RAB11FIP5: variants seen among roughly 807,000 people sequenced by gnomAD.
RAB11FIP5 encodes the protein rab11 family-interacting protein 5.
A neutral mutation model predicts 85.1 loss-of-function variants in RAB11FIP5; 48 were observed. The ratio of observed to expected loss-of-function variants is 0.56; its 90% confidence interval spans 0.45 to 0.72. The LOEUF is 0.72. RAB11FIP5 is among the 30% of genes least tolerant of loss of function. The probability of loss-of-function intolerance (pLI) is 0.00; values close to 1 mark genes in which losing one functional copy is unlikely to be tolerated. For synonymous variants in RAB11FIP5, 729 were observed against 727.3 expected (o/e 1.00, Z -0.04); for missense variants, 1,491 against 1,687.0 (o/e 0.88, Z 2.04).
chr2:73,075,871 C>T lies in RAB11FIP5; in HGVS notation c.3771+122G>A. 2 of 1,453,216 alleles carry T rather than the reference C, an allele frequency of 1.4e-6. No homozygotes were observed. The highest frequency in any genetic ancestry group is 2.0e-5 in the Admixed American group (1 of 50,156). 90.0% of individuals were successfully genotyped at this position (1,453,216 alleles called of 1,614,324 possible). A position where few individuals can be genotyped will look rare whatever the true frequency, so the allele number is the denominator to read the frequency against. ...GCCTGTCTCCAAAGTCAGAGCCTAA[C>T]TGGCTTCAGGACTCTGATATGGGGG... On this transcript the variant is annotated intron_variant, in intron 5 of 5. Coordinates refer to ENST00000486777, the MANE Select transcript of RAB11FIP5 (RefSeq NM_001371272.1). This position sits in a 1 kb window ranked among gnomAD's most constrained non-coding sequence, Gnocchi z 4.6.
intron 1 of RAB11FIP5, among the ~76,000 whole-genome samples, chr2:73,103,924 C>A (rs757419291): frequency 2.0e-5 from 3 of 152,130 alleles, no homozygotes; most frequent in Non-Finnish European, 4.4e-5. Context: ...ACCCCATATT[C>A]ACCCTGACCA....
intron 1 of RAB11FIP5, among the ~76,000 whole-genome samples, chr2:73,098,969 C>T (rs1248808699): frequency 6.6e-6 from 1 of 151,936 alleles, no homozygotes; most frequent in East Asian, 1.9e-4. Context: ...CATTAGACCT[C>T]CTGTAGATCT....
chr2:73,095,185 C>T (rs150502141), intron 1 of RAB11FIP5, among the ~76,000 whole-genome samples: 1 of 152,308 alleles, frequency 6.6e-6, no homozygotes, highest in Non-Finnish European at 1.5e-5. Context: ...AGCACATGCT[C>T]AGGACACAAG....
chr2:73,110,301 G>A (rs1409784334), intron 1 of RAB11FIP5, among the ~76,000 whole-genome samples: 1 of 152,230 alleles, frequency 6.6e-6, no homozygotes, highest in Non-Finnish European at 1.5e-5. Context: ...GCCCACACCA[G>A]GGTGCTCCAG....
chr2:73,099,953 C>G (rs1684397011), intron 1 of RAB11FIP5, among the ~76,000 whole-genome samples: 3 of 152,214 alleles, frequency 2.0e-5, no homozygotes, highest in Admixed American at 2.0e-4. Flanking sequence ...AGGAATCAAG[C>G]CCCATCCCCA....
Position 73,089,394 on chromosome 2 carries a change from A to G in RAB11FIP5, c.432-79T>C. The G allele has an allele frequency of 6.9e-7, 1 of 1,440,450 alleles. No individual in the cohort carries two copies. The highest frequency in any genetic ancestry group is 9.7e-7 in the Non-Finnish European group (1 of 1,033,120). The allele number at this position is 1,440,450 out of a possible 1,614,324, so 89.2% of individuals were successfully genotyped here. A position where few individuals can be genotyped will look rare whatever the true frequency, so the allele number is the denominator to read the frequency against. ...TCCCGCCCGGTACCAGGCACTGCCC[A>G]GACCCCTCCTTGCTCTGAGAGCCAC... On this transcript the variant is annotated intron_variant, in intron 1 of 5. Transcript: ENST00000486777. The surrounding 1 kb of genome is among the most constrained non-coding windows in gnomAD (Gnocchi z 4.6).
In RAB11FIP5 at chr2:73,112,625, G is replaced by A. The variant is rs1301622741; in HGVS notation, c.153C>T (p.Gly51=). The change falls in exon 1 of 6, where the codon GGC becomes GGT. Residue 51 remains glycine (G), a synonymous_variant. Coordinates refer to ENST00000486777, the MANE Select transcript of RAB11FIP5 (RefSeq NM_001371272.1). ...CCACCGACGTACTGTACTTCTCGCG[G>A]CCCACCTGGATCACCGTGTACGCGT... ...TSDAYTVIQV[G]REKYSTSVVE... is the part of the protein sequence containing the mutation. 3.7e-6 allele frequency: 6 copies of A among 1,602,116 alleles called. No homozygotes were observed. The highest frequency in any genetic ancestry group is 4.3e-6 in the Non-Finnish European group (5 of 1,175,736).
In RAB11FIP5 at chr2:73,075,622, C is replaced by T. The variant is rs146270283; in HGVS notation, c.3874G>A (p.Glu1292Lys). The T allele has an allele frequency of 8.7e-6, 14 of 1,613,942 alleles. No individual in the cohort carries two copies. Among genetic ancestry groups the T allele is most frequent in the Non-Finnish European group, 1.1e-5 (13 of 1,179,982 alleles). ...QRERELSQRD[E>K]HVQELESYID... is the part of the protein sequence containing the mutation. ...TAGCTCTCCAGCTCCTGCACATGCT[C>T]GTCCCGCTGGCTCAGCTCCCGCTCC... is the stretch of plus-strand genomic sequence containing the variant. The change falls in exon 6 of 6, where the codon GAG (glutamate) becomes AAG (lysine). Residue 1292 changes from glutamate to lysine, a missense_variant. This residue lies in a region of RAB11FIP5 where 232 missense variants were observed against 259.1 expected (regional missense o/e 0.90). Transcript: ENST00000486777. This position sits in a 1 kb window ranked among gnomAD's most constrained non-coding sequence, Gnocchi z 4.6.
At chr2:73,108,138 C>T (rs371994590) in intron 1 of RAB11FIP5, among the ~76,000 whole-genome samples, 2 of 152,240 alleles carry the variant, frequency 1.3e-5, no homozygotes, top group East Asian at 1.9e-4. Context: ...CTCAGCTCTC[C>T]GAGCTCCCTT....
chr2:73,081,495 G>GCAGTGGCA lies in RAB11FIP5; in HGVS notation c.1736_1737insTGCCACTG (p.Thr582AlafsTer35). On this transcript the variant is annotated frameshift_variant, in exon 4 of 6. Transcript: ENST00000486777. LOFTEE classifies it high-confidence loss of function. The surrounding 1 kb of genome is among the most constrained non-coding windows in gnomAD (Gnocchi z 4.2). The stretch of plus-strand genomic sequence containing the variant: ...TGGCTTCAGGGGCGGCGGTGGTGGC[G>GCAGTGGCA]GCAGCGGCAGCAGTGGCAGCAGCGG... 8.1e-7 allele frequency: 1 copy of GCAGTGGCA among 1,234,590 alleles called. No individual in the cohort carries two copies. Among genetic ancestry groups the GCAGTGGCA allele is most frequent in the Non-Finnish European group, 1.0e-6 (1 of 989,630 alleles). 76.5% of individuals were successfully genotyped at this position (1,234,590 alleles called of 1,614,324 possible).
intron 4 of RAB11FIP5, among the ~76,000 whole-genome samples, chr2:73,076,511 C>T (rs191066741): frequency 6.6e-6 from 1 of 152,142 alleles, no homozygotes; most frequent in Non-Finnish European, 1.5e-5. Context: ...GGGACACCCT[C>T]CCCCAGCCAT....
chr2:73,108,456 C>A (rs930459331), intron 1 of RAB11FIP5, among the ~76,000 whole-genome samples: 2 of 152,202 alleles, frequency 1.3e-5, no homozygotes, highest in Non-Finnish European at 2.9e-5. Flanking sequence ...CTAAAACACA[C>A]AAAGACCAGC....
At chr2:73,077,466 T>C (rs1173339594) in intron 4 of RAB11FIP5, among the ~76,000 whole-genome samples, 1 of 152,206 alleles carries the variant, frequency 6.6e-6, no homozygotes, top group African/African-American at 2.4e-5. Context: ...CCTCCAACCA[T>C]GCTGCTGCAG....
intron 1 of RAB11FIP5, among the ~76,000 whole-genome samples, chr2:73,111,837 G>A (rs1202489331): frequency 6.6e-6 from 1 of 152,212 alleles, no homozygotes; most frequent in Non-Finnish European, 1.5e-5. Context: ...GATGCCCCCT[G>A]CAGCCAGCTT....
intron 1 of RAB11FIP5, among the ~76,000 whole-genome samples, chr2:73,096,878 T>C (rs1684329170): frequency 6.6e-6 from 1 of 152,092 alleles, no homozygotes. Flanking sequence ...TCAGGTGTGT[T>C]CCCACCTCAA....
At chr2:73,088,846 C>G in intron 2 of RAB11FIP5, 33 bp downstream of exon 2, 1 of 1,539,272 alleles carries the variant, frequency 6.5e-7, no homozygotes, top group South Asian at 1.3e-5. Context: ...CCAGTGCCCC[C>G]CTCCCCAGGG....
rs1684099864 is a variant in RAB11FIP5, at chr2:73,086,866, C to T, written c.1568+1184G>A. Among the ~76,000 whole-genome samples, 1 of 152,144 alleles carries T rather than the reference C, an allele frequency of 6.6e-6. No individual in the cohort carries two copies. Among genetic ancestry groups the T allele is most frequent in the Non-Finnish European group, 1.5e-5 (1 of 68,026 alleles). On this transcript the variant is annotated intron_variant, in intron 3 of 5. Transcript: ENST00000486777. The surrounding 1 kb of genome is among the most constrained non-coding windows in gnomAD (Gnocchi z 4.4). ...GGCATGCCCCTGAAACTGATCCACCCCCCCATACCCCTATCTATGAGGGTC... is the reference window on the plus strand; with the variant it reads ...GGCATGCCCCTGAAACTGATCCACCTCCCCATACCCCTATCTATGAGGGTC...
chr2:73,089,092 C>A lies in RAB11FIP5; in HGVS notation c.655G>T (p.Asp219Tyr), dbSNP rs1338632315. The A allele has an allele frequency of 1.9e-6, 3 of 1,614,212 alleles. No individual in the cohort carries two copies. The highest frequency in any genetic ancestry group is 2.5e-6 in the Non-Finnish European group (3 of 1,180,030). ...TTGCCCAGGCTGCCCAGGTCAGGAT[C>A]CTCTATGGCGCTGCTTGGGAGGATG... Reference protein sequence around the residue: ...SAILPSSAIEDPDLGSLGKMG... With the variant: ...SAILPSSAIEYPDLGSLGKMG... The change falls in exon 2 of 6, where the codon GAT becomes TAT. Residue 219 changes from aspartate (D) to tyrosine (Y), a missense_variant. Asp to Tyr is a radical substitution (Grantham distance 160). This residue lies in a region of RAB11FIP5 where 1,211 missense variants were observed against 1,338.0 expected (regional missense o/e 0.91). Transcript: ENST00000486777. This position sits in a 1 kb window ranked among gnomAD's most constrained non-coding sequence, Gnocchi z 4.6.
Position 73,075,784 on chromosome 2 carries a change from G to A in RAB11FIP5, c.3772-60C>T, listed in dbSNP as rs558896117. The A allele has an allele frequency of 3.1e-5, 47 of 1,516,578 alleles. No homozygotes were observed. The South Asian group carries it at 3.5e-4, about 11-fold the overall frequency. The allele number at this position is 1,516,578 out of a possible 1,614,324, so 93.9% of individuals were successfully genotyped here. ...CCTAGGCCTGCCTGCCTGCCTGCCC[G>A]CTTGCCCGCCCGCCCGCCTGCCCAC... On this transcript the variant is annotated intron_variant, in intron 5 of 5. Coordinates refer to ENST00000486777, the MANE Select transcript of RAB11FIP5 (RefSeq NM_001371272.1). This position sits in a 1 kb window ranked among gnomAD's most constrained non-coding sequence, Gnocchi z 4.6.
Sources: gnomAD v4.1 joint callset for allele counts (sites outside exome capture counted in the v4.1 genomes callset) on GRCh38, gnomAD v4.1.1 for gene constraint, gnomAD v4.1.1 regional missense constraint, Gnocchi (gnomAD v3.1) non-coding constraint, MANE v1.5 for transcripts, NCBI Gene and HGNC (gene_info 2026-07-23, HGNC 2026-07-21) for gene names.